The following VEPH1 variants were observed in gnomAD, a reference collection of about 807,000 sequenced individuals.
The protein encoded by VEPH1 is ventricular zone-expressed PH domain-containing protein homolog 1.
VEPH1 carries 80 observed loss-of-function variants against 85.2 expected under a neutral mutation model. That is an observed-to-expected ratio of 0.94 (90% CI 0.78 to 1.13). The LOEUF is 1.13. Ranked by LOEUF, VEPH1 falls within the 50% of genes most tolerant of loss-of-function variation. The probability of loss-of-function intolerance (pLI) is 0.00; values close to 1 mark genes in which losing one functional copy is unlikely to be tolerated. For missense variants in VEPH1, 955 were observed against 980.5 expected, an observed-to-expected ratio of 0.97 and a Z score of 0.35; for synonymous variants, 297 against 348.0, an observed-to-expected ratio of 0.85 and a Z score of 1.63.
intron 6 of VEPH1, among the ~76,000 whole-genome samples, chr3:157,404,735 T>A (rs529957004): frequency 1.3e-5 from 2 of 152,192 alleles, no homozygotes; most frequent in African/African-American, 2.4e-5. Context: ...CTTAGCAGAA[T>A]GGCTTGTGAA....
chr3:157,263,368 C>A (rs1467294829), intron 13 of VEPH1, among the ~76,000 whole-genome samples: 1 of 152,012 alleles, frequency 6.6e-6, no homozygotes. Context: ...TTTCTTTAAA[C>A]CTTATTAAAA....
intron 13 of VEPH1, among the ~76,000 whole-genome samples, chr3:157,264,908 T>C (rs1047102781): frequency 6.6e-6 from 1 of 152,198 alleles, no homozygotes; most frequent in Non-Finnish European, 1.5e-5. Context: ...TTGATTGCAA[T>C]GGAATGCTAC....
At chr3:157,353,014 A>C (rs746827265) in intron 9 of VEPH1, among the ~76,000 whole-genome samples, 1 of 152,138 alleles carries the variant, frequency 6.6e-6, no homozygotes, top group African/African-American at 2.4e-5. Context: ...AAGTGTGAGG[A>C]AGTGGTGACC....
intron 6 of VEPH1, among the ~76,000 whole-genome samples, chr3:157,381,941 C>T (rs538701387): frequency 6.6e-6 from 1 of 152,060 alleles, no homozygotes; most frequent in African/African-American, 2.4e-5. Flanking sequence ...AGGTCAAAAC[C>T]TCTCAACCAT....
intron 9 of VEPH1, among the ~76,000 whole-genome samples, chr3:157,359,449 A>G (rs562829391): frequency 2.6e-5 from 4 of 152,250 alleles, no homozygotes; most frequent in Non-Finnish European, 5.9e-5. Flanking sequence ...CTAGAGACCT[A>G]CAAGGCTCAG....
chr3:157,273,423 T>A (rs1412682991), intron 12 of VEPH1, among the ~76,000 whole-genome samples: 1 of 152,160 alleles, frequency 6.6e-6, no homozygotes, highest in Non-Finnish European at 1.5e-5. Context: ...TATTCTAAAC[T>A]GGGGCATACA....
intron 9 of VEPH1, among the ~76,000 whole-genome samples, chr3:157,337,995 G>A (rs1007144379): frequency 7.2e-5 from 11 of 151,980 alleles, no homozygotes; most frequent in African/African-American, 2.4e-4. Context: ...TATGTTCTGG[G>A]GAGGTCTTTA....
intron 11 of VEPH1, among the ~76,000 whole-genome samples, chr3:157,306,168 TTC>T (rs1719490478): frequency 6.6e-6 from 1 of 152,158 alleles, no homozygotes; most frequent in Admixed American, 6.5e-5. Context: ...AATATTTTGC[TTC>T]TGGTTATTTA....
chr3:157,440,631 T>C (rs1734044240), intron 4 of VEPH1, among the ~76,000 whole-genome samples: 1 of 151,934 alleles, frequency 6.6e-6, no homozygotes, highest in South Asian at 2.1e-4. Context: ...TATGTATGTA[T>C]ACATACATAC....
chr3:157,470,392 A>G lies in VEPH1; in HGVS notation c.276T>C (p.His92=). ...LVGLWDSCLE[H]NLRPFGKDED... ...CGTCTTTCCCAAAGGGTCTCAGGTT[A>G]TGTTCCAAGCAGGAGTCCCAGAGCC... Residue 92 remains histidine, a synonymous_variant, in exon 3 of 14, where the codon CAT becomes CAC. Coordinates refer to ENST00000362010, the MANE Select transcript of VEPH1 (RefSeq NM_001167912.2). 4 of 1,614,084 alleles carry G rather than the reference A, an allele frequency of 2.5e-6. No individual in the cohort carries two copies. The highest frequency in any genetic ancestry group is 3.4e-6 in the Non-Finnish European group (4 of 1,180,022).
At chr3:157,413,303 C>T (rs763992395) in intron 6 of VEPH1, 9 of 229,386 alleles carry the variant, frequency 3.9e-5, no homozygotes, top group Non-Finnish European at 6.5e-5. Flanking sequence ...AATATTTAGC[C>T]TAGTACTTTT....
At chr3:157,467,249 G>A (rs927187746) in intron 3 of VEPH1, among the ~76,000 whole-genome samples, 4 of 151,956 alleles carry the variant, frequency 2.6e-5, no homozygotes, top group African/African-American at 9.7e-5. Context: ...GCCTCTGCCT[G>A]ATCAGACAGT....
chr3:157,352,369 C>T (rs62278585), intron 9 of VEPH1, among the ~76,000 whole-genome samples: 33,495 of 152,106 alleles, frequency 0.22, 4,536 homozygotes, highest in Admixed American at 0.42. Context: ...GGCTGCTTCA[C>T]GTATTGTTTG....
At chr3:157,352,276 A>ACTG (rs1724949106) in intron 9 of VEPH1, among the ~76,000 whole-genome samples, 1 of 152,180 alleles carries the variant, frequency 6.6e-6, no homozygotes, top group Admixed American at 6.5e-5. Flanking sequence ...TAACTCAACT[A>ACTG]CTGGATTCAT....
intron 4 of VEPH1, 23 bp from the exon 5 acceptor site, chr3:157,428,511 A>C: frequency 1.2e-6 from 2 of 1,609,568 alleles, no homozygotes; most frequent in Non-Finnish European, 1.7e-6. Context: ...CAATAAAGGG[A>C]ATGATGACTT....
chr3:157,456,454 T>C (rs1189073348), intron 4 of VEPH1, among the ~76,000 whole-genome samples: 1 of 152,214 alleles, frequency 6.6e-6, no homozygotes, highest in Admixed American at 6.5e-5. Flanking sequence ...CACATTCCTA[T>C]GTCCAGAATG....
At chr3:157,414,206 T>G (rs1731731128) in intron 5 of VEPH1, 116 bp from the exon 6 acceptor site, 2 of 715,014 alleles carry the variant, frequency 2.8e-6, no homozygotes, top group Non-Finnish European at 2.3e-6. Context: ...ACTCAACACA[T>G]TCTGGGATTA....
chr3:157,438,071 A>ACACACACACC (rs1478919297), intron 4 of VEPH1, among the ~76,000 whole-genome samples: 2 of 146,406 alleles, frequency 1.4e-5, no homozygotes, highest in South Asian at 2.2e-4. Flanking sequence ...ACACACACAC[A>ACACACACACC]CCCCTATTTC....
At chr3:157,456,566 G>A (rs1441230921) in intron 4 of VEPH1, among the ~76,000 whole-genome samples, 1 of 152,050 alleles carries the variant, frequency 6.6e-6, no homozygotes, top group African/African-American at 2.4e-5. Context: ...TAAAGAAGGG[G>A]TCCAGTTTTA....
Sources: allele counts gnomAD v4.1 joint callset (sites outside exome capture counted in the v4.1 genomes callset), GRCh38; gene constraint gnomAD v4.1.1; transcripts MANE v1.5; gene names NCBI Gene and HGNC (gene_info 2026-07-23, HGNC 2026-07-21).